Variants in SLC28A3 observed in about 807,000 individuals in gnomAD.
SLC28A3 encodes concentrative Na(+)-nucleoside cotransporter 3.
In SLC28A3, 68 loss-of-function variants were observed where a neutral mutation model predicts 84.2. The ratio of observed to expected loss-of-function variants is 0.81; its 90% CI spans 0.66 to 0.99. The LOEUF (loss-of-function observed/expected upper bound fraction) is 0.99, where lower values mean the gene tolerates loss of function less well. Among genes scored for constraint, SLC28A3 ranks in the 50% least tolerant of loss-of-function variants. The probability of loss-of-function intolerance (pLI) is 0.00; values close to 1 mark genes in which losing one functional copy is unlikely to be tolerated. For missense variants in SLC28A3, 712 were observed against 841.5 expected (o/e 0.85, Z 1.90); for synonymous variants, 267 against 303.6 (o/e 0.88, Z 1.25).
chr9:84,281,195 A>C (rs66851409), intron 14 of SLC28A3, among the ~76,000 whole-genome samples: 1 of 152,018 alleles, frequency 6.6e-6, no homozygotes, highest in Non-Finnish European at 1.5e-5. Context: ...CATCTGCTAC[A>C]GTGTGCCAGG....
At position 84,277,905 on chromosome 9, in the gene SLC28A3, G is replaced by A. The variant is rs745676374; in HGVS notation, c.*313C>T. On this transcript the variant is annotated 3_prime_UTR_variant, in exon 18 of 18. Coordinates refer to ENST00000376238, the MANE Select transcript of SLC28A3 (RefSeq NM_001199633.2). Reference sequence around the variant, plus strand: ...CAGAGCCCAGTTGTTGGGAGCGGCCGTTTATAGCTGTATTCTGGTGAAATG... The same window carrying A: ...CAGAGCCCAGTTGTTGGGAGCGGCCATTTATAGCTGTATTCTGGTGAAATG... The A allele has an allele frequency of 2.8e-5, 8 of 283,832 alleles. No individual in the cohort carries two copies. Among genetic ancestry groups the A allele is most frequent in the East Asian group, 2.2e-4 (3 of 13,710 alleles). 17.6% of individuals were successfully genotyped at this position (283,832 alleles called of 1,614,324 possible). A position where few individuals can be genotyped will look rare whatever the true frequency, so the allele number is the denominator to read the frequency against.
intron 1 of SLC28A3, among the ~76,000 whole-genome samples, chr9:84,322,945 G>C (rs867160746): frequency 6.6e-6 from 1 of 152,178 alleles, no homozygotes; most frequent in Non-Finnish European, 1.5e-5. Flanking sequence ...AATAACTTTG[G>C]AAAGTCCTTT....
Position 84,279,305 on chromosome 9 carries a change from T to C in SLC28A3, c.1909A>G (p.Thr637Ala). 6.2e-7 allele frequency: 1 copy of C among 1,613,452 alleles called. No individual in the cohort carries two copies. The highest frequency in any genetic ancestry group is 1.7e-5 in the Admixed American group (1 of 59,974). ...NAFNSTFPGN[T>A]TKVIACCQSL... ...TGGCAACAAGCTATCACCTTGGTTG[T>C]GTTTCCAGGGAAAGTGGAGTTGAAG... Residue 637 changes from threonine (T) to alanine (A), a missense_variant, in exon 17 of 18, where the codon ACA becomes GCA. Transcript: ENST00000376238.
the SLC28A3 span, among the ~76,000 whole-genome samples, chr9:84,364,624 G>GT: frequency 2.1e-3 from 314 of 151,594 alleles, no homozygotes; most frequent in African/African-American, 7.0e-3. Flanking sequence ...AATTCTTTTT[G>GT]TTTTTTTTGT....
At chr9:84,347,405 T>G in the SLC28A3 span, among the ~76,000 whole-genome samples, 1 of 152,118 alleles carries the variant, frequency 6.6e-6, no homozygotes. Flanking sequence ...GCAACACAAC[T>G]CATAAGTGGC....
the SLC28A3 span, among the ~76,000 whole-genome samples, chr9:84,362,912 G>A: frequency 1.3e-5 from 2 of 152,074 alleles, no homozygotes; most frequent in East Asian, 1.9e-4. Flanking sequence ...TTAAATAACA[G>A]ATTTATAAAT....
Position 84,302,287 on chromosome 9 carries a change from T to C in SLC28A3, c.437A>G (p.His146Arg). ...VAAIFFVVWDHLMAKYEHRID... is the reference protein window; with the variant it reads ...VAAIFFVVWDRLMAKYEHRID... ...TCGATGTTCGTATTTGGCCATCAGG[T>C]GATCCCAGACAACAAAGAAGATGGC... The change falls in exon 5 of 18, where the codon CAC (histidine) becomes CGC (arginine). Residue 146 changes from histidine (H) to arginine (R), a missense_variant. His to Arg is a conservative substitution (Grantham distance 29). Transcript: ENST00000376238. 1 of 1,614,132 alleles carries C rather than the reference T, an allele frequency of 6.2e-7. No individual in the cohort carries two copies. Among genetic ancestry groups the C allele is most frequent in the Non-Finnish European group, 8.5e-7 (1 of 1,180,010 alleles).
chr9:84,340,722 G>T lies in SLC28A3; in HGVS notation c.-89C>A. ...CTCTGCTGATGTCAGAAAGCCACCT[G>T]CTGTTACAGGGACCTGGGCACAGCT... On this transcript the variant is annotated 5_prime_UTR_variant, in exon 1 of 18. Transcript: ENST00000376238. The T allele has an allele frequency of 6.9e-7, 1 of 1,445,294 alleles. No individual in the cohort carries two copies. The highest frequency in any genetic ancestry group is 9.7e-7 in the Non-Finnish European group (1 of 1,033,398). 89.5% of individuals were successfully genotyped at this position (1,445,294 alleles called of 1,614,324 possible). A position where few individuals can be genotyped will look rare whatever the true frequency, so the allele number is the denominator to read the frequency against.
At chr9:84,334,284 G>A (rs547760065) in intron 1 of SLC28A3, among the ~76,000 whole-genome samples, 1 of 152,320 alleles carries the variant, frequency 6.6e-6, no homozygotes, top group Non-Finnish European at 1.5e-5. Context: ...GGGCAACAGA[G>A]CGAGACTCTG....
At position 84,286,020 on chromosome 9, in the gene SLC28A3, G is replaced by T; in HGVS notation, c.1372C>A (p.Leu458Met). 1 of 1,614,138 alleles carries T rather than the reference G, an allele frequency of 6.2e-7. No homozygotes were observed. The highest frequency in any genetic ancestry group is 2.2e-5 in the East Asian group (1 of 44,892). Residue 458 changes from leucine to methionine, a missense_variant, in exon 13 of 18, where the codon CTG (leucine) becomes ATG (methionine). Physicochemically the swap from Leu to Met is conservative, Grantham distance 15 (BLOSUM62 2). Transcript: ENST00000376238. ...ANIAVNLIAFLALLSFMNSAL... is the reference protein window; with the variant it reads ...ANIAVNLIAFMALLSFMNSAL... Reference sequence around the variant, plus strand: ...GAATTCATAAAAGACAGCAGGGCCAGGAAGGCAATCAGATTCACAGCGATG... The same window carrying T: ...GAATTCATAAAAGACAGCAGGGCCATGAAGGCAATCAGATTCACAGCGATG...
intron 12 of SLC28A3, among the ~76,000 whole-genome samples, chr9:84,287,640 G>T (rs6559778): frequency 0.18 from 28,056 of 151,914 alleles, 3,761 homozygotes; most frequent in East Asian, 0.42. Context: ...GGCAGGAGGA[G>T]CCCTTGAGCC....
intron 1 of SLC28A3, among the ~76,000 whole-genome samples, chr9:84,340,316 A>C (rs943903278): frequency 6.6e-6 from 1 of 152,178 alleles, no homozygotes; most frequent in Non-Finnish European, 1.5e-5. Flanking sequence ...TGTGAGCCAG[A>C]AGGGAAAAAA....
chr9:84,319,948 C>T (rs1302944809), intron 1 of SLC28A3, among the ~76,000 whole-genome samples: 5 of 151,728 alleles, frequency 3.3e-5, no homozygotes, highest in Admixed American at 3.3e-4. Flanking sequence ...TTTTTATTGC[C>T]CTGCAGCCAA....
At chr9:84,282,946 A>C (rs993193700) in intron 14 of SLC28A3, among the ~76,000 whole-genome samples, 2 of 152,224 alleles carry the variant, frequency 1.3e-5, no homozygotes, top group Admixed American at 1.3e-4. Context: ...GCTGACAGGA[A>C]AAAAATATTT....
In SLC28A3 at chr9:84,280,057, G is replaced by A. The variant is rs1453603036; in HGVS notation, c.1746C>T (p.Ser582=). 1.2e-6 allele frequency: 2 copies of A among 1,613,860 alleles called. No homozygotes were observed. Among genetic ancestry groups the A allele is most frequent in the Non-Finnish European group, 1.7e-6 (2 of 1,179,958 alleles). Residue 582 remains serine, a synonymous_variant, in exon 16 of 18, where the codon TCC becomes TCT. Coordinates refer to ENST00000376238, the MANE Select transcript of SLC28A3 (RefSeq NM_001199633.2). The part of the protein sequence containing the change: ...VIGGLTSMAP[S]RKRDIASGAV... ...CCCCCGAGGCGATATCACGCTTTCT[G>A]GAAGGAGCCATGGATGCTGGGAAAC... is the stretch of plus-strand genomic sequence containing the variant.
intron 1 of SLC28A3, 80 bp downstream of exon 1, chr9:84,340,494 G>T: frequency 1.4e-6 from 2 of 1,444,514 alleles, no homozygotes; most frequent in Non-Finnish European, 1.9e-6. Flanking sequence ...CCCTGCTTAG[G>T]TAAGAAACTT....
At chr9:84,347,799 T>C in the SLC28A3 span, among the ~76,000 whole-genome samples, 1 of 152,226 alleles carries the variant, frequency 6.6e-6, no homozygotes, top group East Asian at 1.9e-4. Context: ...CTCTGCTCTT[T>C]CCTGGTGCTT....
intron 1 of SLC28A3, among the ~76,000 whole-genome samples, chr9:84,338,240 A>G (rs780225540): frequency 3.9e-5 from 6 of 152,240 alleles, no homozygotes; most frequent in Non-Finnish European, 8.8e-5. Context: ...TAAGCATCCT[A>G]ACTTATTTGG....
At chr9:84,326,183 T>A (rs78727538) in intron 1 of SLC28A3, among the ~76,000 whole-genome samples, 1 of 142,004 alleles carries the variant, frequency 7.0e-6, no homozygotes, top group African/African-American at 2.5e-5. Flanking sequence ...CACCTTTGAA[T>A]TTTTTTTTTT....
Sources: allele counts gnomAD v4.1 joint callset (sites outside exome capture counted in the v4.1 genomes callset), GRCh38; gene constraint gnomAD v4.1.1; transcripts MANE v1.5; gene names NCBI Gene and HGNC (gene_info 2026-07-23, HGNC 2026-07-21).